The following GSDMC variants were observed in gnomAD, a reference collection of about 807,000 sequenced individuals.
GSDMC encodes gasdermin C, also known as gasdermin-C.
A neutral mutation model predicts 58.0 loss-of-function variants in GSDMC; 59 were observed. The observed-to-expected ratio is 1.02, with a 90% CI of 0.82 to 1.26. The LOEUF (loss-of-function observed/expected upper bound fraction) is 1.26. GSDMC is among the 50% of genes most tolerant of loss of function. The pLI is 0.00. For synonymous variants in GSDMC, 241 were observed against 220.2 expected, an observed-to-expected ratio of 1.09 and a Z score of -0.83; for missense variants, 659 against 598.5, an observed-to-expected ratio of 1.10 and a Z score of -1.06.
chr8:129,732,754 C>A, the GSDMC span, among the ~76,000 whole-genome samples: 18 of 152,172 alleles, frequency 1.2e-4, no homozygotes, highest in Non-Finnish European at 2.6e-4. Context: ...ATGCAGAAGA[C>A]GGGTGATTTC....
At chr8:129,784,464 AT>A (rs1404409225) in intron 1 of GSDMC, among the ~76,000 whole-genome samples, 7 of 152,326 alleles carry the variant, frequency 4.6e-5, no homozygotes, top group South Asian at 2.1e-4. Context: ...AGAGGAATAC[AT>A]ACAAATGAAA....
chr8:129,722,370 C>T, the GSDMC span, among the ~76,000 whole-genome samples: 10 of 152,196 alleles, frequency 6.6e-5, no homozygotes, highest in Non-Finnish European at 1.3e-4. Context: ...CCCAACTGGA[C>T]ACCTTGGGTT....
chr8:129,779,225 A>G (rs116323242), intron 1 of GSDMC, among the ~76,000 whole-genome samples: 2,165 of 152,318 alleles, frequency 0.014, 59 homozygotes, highest in African/African-American at 0.049. Context: ...CCCATCAACT[A>G]TGGACTAGAT....
At chr8:129,713,699 G>C in the GSDMC span, among the ~76,000 whole-genome samples, 5 of 152,116 alleles carry the variant, frequency 3.3e-5, no homozygotes, top group Non-Finnish European at 7.3e-5. Context: ...CTGTCTTTCA[G>C]GGGGTTCAGA....
chr8:129,742,407 TAAAG>T, the GSDMC span, among the ~76,000 whole-genome samples: 1 of 152,200 alleles, frequency 6.6e-6, no homozygotes, highest in East Asian at 1.9e-4. Context: ...TTTATCAACT[TAAAG>T]TAATATTCAT....
At chr8:129,740,211 A>G in the GSDMC span, among the ~76,000 whole-genome samples, 1 of 152,228 alleles carries the variant, frequency 6.6e-6, no homozygotes, top group Non-Finnish European at 1.5e-5. Flanking sequence ...TAAAGTAAAA[A>G]GTCACAGTAA....
chr8:129,717,953 G>A, the GSDMC span, among the ~76,000 whole-genome samples: 1 of 152,052 alleles, frequency 6.6e-6, no homozygotes, highest in African/African-American at 2.4e-5. Context: ...ATGGTGTTGG[G>A]GAAACTGGCT....
chr8:129,737,236 A>C, the GSDMC span, among the ~76,000 whole-genome samples: 1 of 152,222 alleles, frequency 6.6e-6, no homozygotes, highest in African/African-American at 2.4e-5. Context: ...TATAGATTCA[A>C]TGCCATCCCC....
At chr8:129,772,114 A>T (rs1375440353) in intron 3 of GSDMC, among the ~76,000 whole-genome samples, 1 of 152,042 alleles carries the variant, frequency 6.6e-6, no homozygotes. Context: ...AATACAAAAA[A>T]TTCGGGCATG....
chr8:129,749,860 G>A, intron 12 of GSDMC, 130 bp downstream of exon 12: 1 of 724,120 alleles, frequency 1.4e-6, no homozygotes, highest in Non-Finnish European at 2.3e-6. Flanking sequence ...ACCTTAGAGA[G>A]AGCTGTGATG....
chr8:129,745,587 C>CATTT (rs1219827534), downstream of GSDMC, among the ~76,000 whole-genome samples: 5 of 151,988 alleles, frequency 3.3e-5, no homozygotes, highest in Admixed American at 6.6e-5. Context: ...CTATATAATA[C>CATTT]ATTTATTTAT....
chr8:129,777,979 T>C (rs1039167276), intron 1 of GSDMC, among the ~76,000 whole-genome samples: 2 of 152,058 alleles, frequency 1.3e-5, no homozygotes, highest in Non-Finnish European at 2.9e-5. Flanking sequence ...AGCCTGGGTA[T>C]CTCCTCACCT....
chr8:129,718,679 T>C, the GSDMC span, among the ~76,000 whole-genome samples: 6 of 152,220 alleles, frequency 3.9e-5, no homozygotes, highest in Non-Finnish European at 8.8e-5. Flanking sequence ...GTCCCATTAC[T>C]GGGTATATAA....
the GSDMC span, among the ~76,000 whole-genome samples, chr8:129,734,172 A>G: frequency 6.6e-6 from 1 of 152,222 alleles, no homozygotes; most frequent in African/African-American, 2.4e-5. Context: ...ATATGGGACT[A>G]TGTGAAAAGA....
At chr8:129,733,855 G>A in the GSDMC span, among the ~76,000 whole-genome samples, 58 of 152,238 alleles carry the variant, frequency 3.8e-4, no homozygotes, top group Admixed American at 1.8e-3. Flanking sequence ...GACTTCACAA[G>A]GTCAGTAATA....
chr8:129,709,477 TAGAC>T, the GSDMC span, among the ~76,000 whole-genome samples: 1 of 136,240 alleles, frequency 7.3e-6, no homozygotes, highest in Non-Finnish European at 1.5e-5. Context: ...GATAGATAGA[TAGAC>T]AGATAATAGA....
At chr8:129,711,921 A>G in the GSDMC span, among the ~76,000 whole-genome samples, 1 of 152,194 alleles carries the variant, frequency 6.6e-6, no homozygotes, top group Non-Finnish European at 1.5e-5. Context: ...TAGTCCAGTT[A>G]TAGTGCCTGT....
At chr8:129,745,828 G>A (rs540496786), downstream of GSDMC, among the ~76,000 whole-genome samples, 47 of 79,310 alleles carry the variant, frequency 5.9e-4, no homozygotes, top group African/African-American at 1.3e-3. Context: ...GTTTAAAATC[G>A]TAGAAGGTGA....
the GSDMC span, among the ~76,000 whole-genome samples, chr8:129,734,521 C>T: frequency 1.3e-5 from 2 of 152,164 alleles, no homozygotes; most frequent in East Asian, 1.9e-4. Flanking sequence ...GGGCCAATAT[C>T]CAACATTCCT....
Sources: gnomAD v4.1 joint callset for allele counts (sites outside exome capture counted in the v4.1 genomes callset) on GRCh38, gnomAD v4.1.1 for gene constraint, MANE v1.5 for transcripts, NCBI Gene and HGNC (gene_info 2026-07-23, HGNC 2026-07-21) for gene names.